ZNF827: variants seen among roughly 807,000 people sequenced by gnomAD.
ZNF827 encodes the protein zinc finger protein 827.
In ZNF827, 13 loss-of-function variants were observed where a neutral mutation model predicts 102.4. The ratio of observed to expected loss-of-function variants is 0.13; its 90% CI spans 0.08 to 0.20. ZNF827 has a LOEUF of 0.20. Ranked by LOEUF, ZNF827 falls within the 10% of genes least tolerant of loss-of-function variation. ZNF827 has a pLI of 1.00. For synonymous variants in ZNF827, 523 were observed against 536.2 expected (o/e 0.98, Z 0.34); for missense variants, 1,103 against 1,344.4 (o/e 0.82, Z 2.81).
chr4:145,792,698 A>G (rs554179113), intron 8 of ZNF827, among the ~76,000 whole-genome samples: 49 of 152,124 alleles, frequency 3.2e-4, no homozygotes, highest in Admixed American at 5.9e-4. Flanking sequence ...CTGGCTTGGG[A>G]TATTTTTAAG....
intron 11 of ZNF827, among the ~76,000 whole-genome samples, chr4:145,766,485 C>T (rs1579086039): frequency 6.6e-6 from 1 of 152,282 alleles, no homozygotes; most frequent in East Asian, 1.9e-4. Context: ...CAGTTTCCTG[C>T]CTTGAGACTC....
intron 1 of ZNF827, among the ~76,000 whole-genome samples, chr4:145,916,102 G>A: frequency 6.6e-6 from 1 of 152,216 alleles, no homozygotes; most frequent in East Asian, 1.9e-4. Context: ...TCATCCAAGG[G>A]TTGGTCTTGT....
At chr4:145,864,814 C>T (rs1226175601) in intron 5 of ZNF827, among the ~76,000 whole-genome samples, 2 of 152,086 alleles carry the variant, frequency 1.3e-5, no homozygotes, top group Non-Finnish European at 2.9e-5. Flanking sequence ...TACAAATTGG[C>T]CTCACATCGT....
At chr4:145,874,829 A>G (rs1749014407) in intron 4 of ZNF827, among the ~76,000 whole-genome samples, 1 of 152,226 alleles carries the variant, frequency 6.6e-6, no homozygotes, top group Non-Finnish European at 1.5e-5. Flanking sequence ...GGTAATCAAG[A>G]GGCCCCCTCT....
chr4:145,833,544 A>G (rs1234719975), intron 7 of ZNF827, among the ~76,000 whole-genome samples: 1 of 151,364 alleles, frequency 6.6e-6, no homozygotes, highest in Admixed American at 6.6e-5. Flanking sequence ...GCTTTTCTGG[A>G]AGAGGGGCAA....
intron 8 of ZNF827, among the ~76,000 whole-genome samples, chr4:145,818,628 A>T (rs1206147888): frequency 6.6e-6 from 1 of 152,272 alleles, no homozygotes; most frequent in Non-Finnish European, 1.5e-5. Flanking sequence ...ACTGAAGAAA[A>T]TAGTTTGCTA....
At chr4:145,882,216 G>A (rs189764952) in intron 4 of ZNF827, among the ~76,000 whole-genome samples, 1 of 152,316 alleles carries the variant, frequency 6.6e-6, no homozygotes, top group East Asian at 1.9e-4. Context: ...ATTTGCATAT[G>A]CTTTCTGGCT....
intron 4 of ZNF827, among the ~76,000 whole-genome samples, chr4:145,874,719 C>T (rs975109436): frequency 2.6e-5 from 4 of 152,178 alleles, no homozygotes; most frequent in Non-Finnish European, 5.9e-5. Context: ...AGGTGCGGAA[C>T]TCAACTTGTC....
chr4:145,903,445 G>A (rs1049689215), intron 1 of ZNF827, among the ~76,000 whole-genome samples: 1 of 152,188 alleles, frequency 6.6e-6, no homozygotes, highest in Non-Finnish European at 1.5e-5. Context: ...CAGATAAGTT[G>A]AAAGGGAAAA....
chr4:145,925,388 C>T (rs1400834191), intron 1 of ZNF827, among the ~76,000 whole-genome samples: 1 of 152,140 alleles, frequency 6.6e-6, no homozygotes, highest in African/African-American at 2.4e-5. Flanking sequence ...AATCTTTTAC[C>T]CATCACACTT....
At chr4:145,768,454 C>T (rs552772021) in intron 11 of ZNF827, among the ~76,000 whole-genome samples, 7 of 152,196 alleles carry the variant, frequency 4.6e-5, no homozygotes, top group South Asian at 2.1e-4. Flanking sequence ...CATGAGCCAC[C>T]GTACCTGGCC....
At chr4:145,775,388 G>A (rs1050135638) in intron 10 of ZNF827, among the ~76,000 whole-genome samples, 5 of 151,776 alleles carry the variant, frequency 3.3e-5, no homozygotes, top group African/African-American at 1.2e-4. Flanking sequence ...ACGCCTTCTG[G>A]GCTAGTTCTC....
At chr4:145,771,451 T>C (rs1052400514) in intron 11 of ZNF827, among the ~76,000 whole-genome samples, 2 of 152,248 alleles carry the variant, frequency 1.3e-5, no homozygotes, top group African/African-American at 4.8e-5. Flanking sequence ...TATTGATAGT[T>C]GTATTTTCCA....
chr4:145,912,777 G>A (rs866110654), intron 1 of ZNF827, among the ~76,000 whole-genome samples: 3 of 152,230 alleles, frequency 2.0e-5, no homozygotes, highest in Non-Finnish European at 2.9e-5. Flanking sequence ...CCTTCAGAGC[G>A]AGAGTGGCCT....
intron 1 of ZNF827, among the ~76,000 whole-genome samples, chr4:145,921,065 C>T (rs948769068): frequency 2.0e-5 from 3 of 152,186 alleles, no homozygotes; most frequent in African/African-American, 7.2e-5. Flanking sequence ...GCATGTGGGA[C>T]AATGCAGGAG....
At chr4:145,882,769 C>T (rs1384145155) in intron 4 of ZNF827, among the ~76,000 whole-genome samples, 1 of 152,204 alleles carries the variant, frequency 6.6e-6, no homozygotes, top group African/African-American at 2.4e-5. Context: ...GATTCACAGA[C>T]TCAGTGCCCA....
rs572189076 is a variant in ZNF827 at position 145,877,969 on chromosome 4, G to A, written c.1748-7491C>T. Among the ~76,000 whole-genome samples, 18 of 152,292 alleles carry A rather than the reference G, an allele frequency of 1.2e-4. No individual in the cohort carries two copies. The South Asian group carries it at 3.7e-3, about 32-fold the overall frequency. On this transcript the variant is annotated intron_variant, in intron 4 of 14. Coordinates refer to ENST00000508784, the MANE Select transcript of ZNF827 (RefSeq NM_001306215.2). ...GCAGCAATGGAGTGGTTTGCCTGGA[G>A]ACTAGAAGAAAGAAAACCTGAAGAC...
chr4:145,869,480 G>C (rs1748498668), intron 5 of ZNF827, among the ~76,000 whole-genome samples: 1 of 152,156 alleles, frequency 6.6e-6, no homozygotes, highest in Admixed American at 6.5e-5. Flanking sequence ...CTAAGGATGG[G>C]ATATGACTTG....
intron 5 of ZNF827, among the ~76,000 whole-genome samples, chr4:145,866,034 C>T (rs184616621): frequency 1.0e-3 from 152 of 152,274 alleles, no homozygotes; most frequent in Non-Finnish European, 1.5e-3. Context: ...GTCCATCTGT[C>T]GGTCCAGAGA....
Sources: allele counts gnomAD v4.1 joint callset (sites outside exome capture counted in the v4.1 genomes callset), GRCh38; gene constraint gnomAD v4.1.1; transcripts MANE v1.5; gene names NCBI Gene and HGNC (gene_info 2026-07-23, HGNC 2026-07-21).